Variants in RBMS3 observed in about 807,000 individuals in gnomAD.
RBMS3 encodes RNA-binding motif, single-stranded-interacting protein 3.
A neutral mutation model predicts 66.8 loss-of-function variants in RBMS3; 27 were observed. The ratio of observed to expected loss-of-function variants is 0.40; its 90% CI spans 0.30 to 0.56. RBMS3 has a LOEUF of 0.56. RBMS3 is among the 20% of genes least tolerant of loss of function. The probability of loss-of-function intolerance (pLI) is 0.40; values close to 1 mark genes in which losing one functional copy is unlikely to be tolerated. For missense variants in RBMS3, 513 were observed against 549.5 expected, an observed-to-expected ratio of 0.93 and a Z score of 0.66; for synonymous variants, 188 against 183.0, an observed-to-expected ratio of 1.03 and a Z score of -0.22.
intron 1 of RBMS3, among the ~76,000 whole-genome samples, chr3:29,373,975 G>C (rs1277690736): frequency 2.6e-5 from 4 of 152,170 alleles, no homozygotes; most frequent in Non-Finnish European, 5.9e-5. Context: ...GTCAGCATTA[G>C]AGCATTAGAC....
At chr3:29,804,531 A>G (rs892155961) in intron 6 of RBMS3, among the ~76,000 whole-genome samples, 1 of 152,088 alleles carries the variant, frequency 6.6e-6, no homozygotes, top group Non-Finnish European at 1.5e-5. Flanking sequence ...TGTGCCAATC[A>G]TTGAGATTCA....
chr3:29,699,425 GCGTGAGCCAC>G (rs1330906935), intron 4 of RBMS3, among the ~76,000 whole-genome samples: 1 of 152,146 alleles, frequency 6.6e-6, no homozygotes, highest in Non-Finnish European at 1.5e-5. Flanking sequence ...GGTATTACAG[GCGTGAGCCAC>G]CGTGCCTGTC....
chr3:29,318,646 G>A (rs2034830458), intron 1 of RBMS3, among the ~76,000 whole-genome samples: 2 of 151,858 alleles, frequency 1.3e-5, no homozygotes, highest in African/African-American at 4.8e-5. Context: ...AACCAATGTA[G>A]GTCATCATGG....
At chr3:29,759,760 C>T (rs2055582767) in intron 5 of RBMS3, among the ~76,000 whole-genome samples, 1 of 152,074 alleles carries the variant, frequency 6.6e-6, no homozygotes, top group Non-Finnish European at 1.5e-5. Flanking sequence ...TGTTCTGCTT[C>T]CACGTAAAAT....
At chr3:29,347,369 G>A (rs889028901) in intron 1 of RBMS3, among the ~76,000 whole-genome samples, 1 of 152,160 alleles carries the variant, frequency 6.6e-6, no homozygotes, top group African/African-American at 2.4e-5. Context: ...TTAATAAATA[G>A]GTTTCATTCG....
At chr3:29,482,992 C>T (rs1194433762) in intron 2 of RBMS3, among the ~76,000 whole-genome samples, 3 of 151,646 alleles carry the variant, frequency 2.0e-5, no homozygotes, top group African/African-American at 7.3e-5. Flanking sequence ...AGACGTGAGC[C>T]GCCGCCCCCA....
At chr3:29,282,964 C>T (rs1559457790) in intron 1 of RBMS3, among the ~76,000 whole-genome samples, 2 of 152,120 alleles carry the variant, frequency 1.3e-5, no homozygotes, top group Non-Finnish European at 2.9e-5. Context: ...ATCCACCCTG[C>T]CCCTCCAAGG....
At chr3:29,959,408 C>A (rs1442551008) in intron 12 of RBMS3, among the ~76,000 whole-genome samples, 1 of 152,114 alleles carries the variant, frequency 6.6e-6, no homozygotes, top group Non-Finnish European at 1.5e-5. Flanking sequence ...CCCAGATCTA[C>A]TGAACCCAAA....
At chr3:29,795,941 C>T (rs890346156) in intron 6 of RBMS3, among the ~76,000 whole-genome samples, 1 of 152,084 alleles carries the variant, frequency 6.6e-6, no homozygotes, top group Non-Finnish European at 1.5e-5. Context: ...CTGGTTGATT[C>T]CAGAGGGGTA....
chr3:29,777,805 T>A (rs1252260589), intron 6 of RBMS3, among the ~76,000 whole-genome samples: 2 of 151,872 alleles, frequency 1.3e-5, no homozygotes, highest in Non-Finnish European at 2.9e-5. Context: ...CAATTAGATT[T>A]TTTTTTCTAA....
chr3:29,530,790 T>C (rs2045324483), intron 3 of RBMS3, among the ~76,000 whole-genome samples: 1 of 151,216 alleles, frequency 6.6e-6, no homozygotes, highest in South Asian at 2.1e-4. Context: ...GAGAATTGCC[T>C]GAACCCAGGA....
chr3:29,367,954 A>T lies in RBMS3; in HGVS notation c.76-66789A>T, dbSNP rs1217146519. 2.0e-5 allele frequency among the ~76,000 whole-genome samples: 3 copies of T among 152,188 alleles called. No homozygotes were observed. The East Asian group carries it at 5.8e-4, about 29-fold the overall frequency. On this transcript the variant is annotated intron_variant, in intron 1 of 14. Transcript: ENST00000383767. Reference sequence around the variant, plus strand: ...TGTTCAAACATCCCTAAGAAAAAAAATCAAGATTTCAACTTGGATAGAAAT... The same window carrying T: ...TGTTCAAACATCCCTAAGAAAAAAATTCAAGATTTCAACTTGGATAGAAAT...
intron 1 of RBMS3, among the ~76,000 whole-genome samples, chr3:29,333,004 A>G (rs2035753084): frequency 1.3e-5 from 2 of 152,122 alleles, no homozygotes; most frequent in African/African-American, 4.8e-5. Context: ...TTAAATATAG[A>G]AAAATTTCAG....
At chr3:29,338,579 G>A (rs2036088391) in intron 1 of RBMS3, among the ~76,000 whole-genome samples, 1 of 152,034 alleles carries the variant, frequency 6.6e-6, no homozygotes, top group Non-Finnish European at 1.5e-5. Flanking sequence ...CAATCTGTAT[G>A]TGAAAAGCTC....
intron 3 of RBMS3, among the ~76,000 whole-genome samples, chr3:29,579,406 C>T (rs1342183038): frequency 6.6e-6 from 1 of 152,078 alleles, no homozygotes; most frequent in Non-Finnish European, 1.5e-5. Flanking sequence ...ACCTCTATTC[C>T]TTGTATGGAG....
intron 12 of RBMS3, among the ~76,000 whole-genome samples, chr3:29,972,224 A>ACAGT (rs1387411198): frequency 6.6e-6 from 1 of 151,308 alleles, no homozygotes; most frequent in East Asian, 1.9e-4. Flanking sequence ...TGAACTCCTC[A>ACAGT]CAGTCTTGGA....
intron 1 of RBMS3, among the ~76,000 whole-genome samples, chr3:29,321,756 C>T (rs2035019360): frequency 6.6e-6 from 1 of 152,040 alleles, no homozygotes; most frequent in Non-Finnish European, 1.5e-5. Context: ...GCAATTTGTA[C>T]ATCTGTGAAG....
At chr3:29,573,659 T>C (rs956592334) in intron 3 of RBMS3, among the ~76,000 whole-genome samples, 1 of 152,160 alleles carries the variant, frequency 6.6e-6, no homozygotes, top group Admixed American at 6.5e-5. Context: ...CCTTAGGTTC[T>C]TTATTTGAAT....
At chr3:29,390,450 C>T (rs1249579210) in intron 1 of RBMS3, among the ~76,000 whole-genome samples, 4 of 151,988 alleles carry the variant, frequency 2.6e-5, no homozygotes, top group Admixed American at 2.6e-4. Flanking sequence ...ATCTAAGATG[C>T]TTTTGATTAT....
Sources: gnomAD v4.1 joint callset for allele counts (sites outside exome capture counted in the v4.1 genomes callset) on GRCh38, gnomAD v4.1.1 for gene constraint, MANE v1.5 for transcripts, NCBI Gene and HGNC (gene_info 2026-07-23, HGNC 2026-07-21) for gene names.